DOCK7: variants seen among roughly 807,000 people sequenced by gnomAD.
DOCK7 encodes dedicator of cytokinesis protein 7.
Under a neutral mutation model 271.0 loss-of-function variants are expected in DOCK7, and 138 were observed. The ratio of observed to expected loss-of-function variants is 0.51; its 90% CI spans 0.44 to 0.59. The LOEUF (loss-of-function observed/expected upper bound fraction) is 0.59. Among genes scored for constraint, DOCK7 ranks in the 20% least tolerant of loss-of-function variants. The probability of loss-of-function intolerance (pLI) is 0.00; values close to 1 mark genes in which losing one functional copy is unlikely to be tolerated. For missense variants in DOCK7, 2,066 were observed against 2,592.4 expected, an observed-to-expected ratio of 0.80 and a Z score of 4.41; for synonymous variants, 823 against 876.1, an observed-to-expected ratio of 0.94 and a Z score of 1.07.
At chr1:62,471,454 G>C (rs1645828386) in intron 48 of DOCK7, among the ~76,000 whole-genome samples, 1 of 152,186 alleles carries the variant, frequency 6.6e-6, no homozygotes, top group Admixed American at 6.5e-5. Context: ...TTGAGGCCAA[G>C]AGTTCGAGAC....
intron 31 of DOCK7, among the ~76,000 whole-genome samples, chr1:62,518,573 C>CA (rs1228634392): frequency 0.011 from 1,062 of 98,064 alleles, 10 homozygotes; most frequent in South Asian, 0.04. Flanking sequence ...GACTCCATCT[C>CA]AAAAAAAAAA....
intron 18 of DOCK7, 41 bp from the exon 19 acceptor site, chr1:62,561,744 G>C (rs753205775): frequency 8.2e-7 from 1 of 1,225,768 alleles, no homozygotes; most frequent in Non-Finnish European, 1.1e-6. Context: ...TGCTTAAGTA[G>C]ATTATGAACT....
At chr1:62,611,043 T>C (rs530106709) in intron 14 of DOCK7, among the ~76,000 whole-genome samples, 7 of 152,336 alleles carry the variant, frequency 4.6e-5, no homozygotes, top group African/African-American at 1.4e-4. Flanking sequence ...CACACTGTCT[T>C]CCACAATGGT....
At chr1:62,559,862 C>T (rs1020756480) in intron 19 of DOCK7, among the ~76,000 whole-genome samples, 4 of 152,234 alleles carry the variant, frequency 2.6e-5, no homozygotes, top group African/African-American at 9.6e-5. Context: ...GTGCCTCAAA[C>T]GTTTGTGCAA....
At chr1:62,623,427 C>A (rs1433606650) in intron 12 of DOCK7, among the ~76,000 whole-genome samples, 1 of 152,206 alleles carries the variant, frequency 6.6e-6, no homozygotes, top group African/African-American at 2.4e-5. Context: ...TTTTGTGCTA[C>A]TTCCCAGTTA....
chr1:62,627,742 T>C (rs1654124546), intron 11 of DOCK7: 1 of 152,084 alleles, frequency 6.6e-6, no homozygotes, highest in Non-Finnish European at 1.5e-5. Flanking sequence ...AAGATTTAAA[T>C]AAATGAAAAA....
intron 12 of DOCK7, among the ~76,000 whole-genome samples, chr1:62,624,526 C>T (rs921746410): frequency 6.6e-6 from 1 of 152,162 alleles, no homozygotes; most frequent in Non-Finnish European, 1.5e-5. Context: ...GCACAAAATG[C>T]ACTCCTAGGG....
intron 1 of DOCK7, among the ~76,000 whole-genome samples, chr1:62,671,935 G>A (rs1660058361): frequency 6.9e-6 from 1 of 145,558 alleles, no homozygotes; most frequent in South Asian, 2.2e-4. Flanking sequence ...ACTATGAGAA[G>A]CAGAGGAAAT....
intron 10 of DOCK7, among the ~76,000 whole-genome samples, chr1:62,632,841 G>A (rs2149627784): frequency 6.6e-6 from 1 of 152,146 alleles, no homozygotes; most frequent in South Asian, 2.1e-4. Context: ...GCTGGGTGTG[G>A]TGGCACATGC....
At chr1:62,654,259 T>G in intron 2 of DOCK7, 100 bp from the exon 3 acceptor site, 2 of 1,147,912 alleles carry the variant, frequency 1.7e-6, no homozygotes, top group African/African-American at 1.6e-5. Flanking sequence ...TAAAAGCTTT[T>G]AATCTAGTTC....
Position 62,496,300 on chromosome 1 carries a change from C to G in DOCK7, c.4923+39G>C, listed in dbSNP as rs774618912. ...ATTTGGAAAGTGCCTATTTAACAAG[C>G]CTATTTCAATTAATGATCTAGAAAG... On this transcript the variant is annotated intron_variant, in intron 38 of 49. Coordinates refer to ENST00000635253, the MANE Select transcript of DOCK7 (RefSeq NM_001367561.1). The G allele has an allele frequency of 2.3e-5, 36 of 1,599,734 alleles. No homozygotes were observed. In the Admixed American group the frequency reaches 5.6e-4, roughly 25 times the overall value.
intron 43 of DOCK7, chr1:62,485,527 C>CTGGA: frequency 5.1e-6 from 5 of 985,402 alleles, no homozygotes; most frequent in Non-Finnish European, 6.0e-6. Flanking sequence ...ATTATCCTTA[C>CTGGA]TGGACTTCAA....
chr1:62,534,486 G>C, intron 29 of DOCK7, among the ~76,000 whole-genome samples: 1 of 152,026 alleles, frequency 6.6e-6, no homozygotes, highest in Non-Finnish European at 1.5e-5. Flanking sequence ...GTGGTGGCAC[G>C]CGCCTGTAGT....
chr1:62,569,358 A>C (rs1005728530), intron 18 of DOCK7, among the ~76,000 whole-genome samples: 2 of 152,194 alleles, frequency 1.3e-5, no homozygotes, highest in African/African-American at 4.8e-5. Flanking sequence ...TGGCAAACCA[A>C]ATCTGGCAGC....
At chr1:62,512,422 C>T (rs1644514163) in intron 33 of DOCK7, among the ~76,000 whole-genome samples, 1 of 152,048 alleles carries the variant, frequency 6.6e-6, no homozygotes, top group African/African-American at 2.4e-5. Context: ...TGAAAACAAT[C>T]ACAAATTTAT....
intron 27 of DOCK7, 62 bp from the exon 28 acceptor site, chr1:62,538,123 A>G: frequency 6.7e-7 from 1 of 1,503,312 alleles, no homozygotes; most frequent in Non-Finnish European, 9.0e-7. Context: ...TAATACTAAT[A>G]CCAGAATGGC....
chr1:62,598,943 C>G, intron 14 of DOCK7: 1 of 646,582 alleles, frequency 1.5e-6, no homozygotes, highest in Non-Finnish European at 2.8e-6. Context: ...ATTGCAGGCT[C>G]TGAAGCTAAT....
intron 28 of DOCK7, among the ~76,000 whole-genome samples, chr1:62,536,895 C>A: frequency 6.6e-6 from 1 of 152,170 alleles, no homozygotes; most frequent in East Asian, 1.9e-4. Context: ...ATCTCTTCAT[C>A]TCAATTTATA....
chr1:62,469,124 G>A (rs925195949), intron 48 of DOCK7, among the ~76,000 whole-genome samples: 5 of 152,036 alleles, frequency 3.3e-5, no homozygotes, highest in African/African-American at 1.2e-4. Context: ...GCGAGACTAA[G>A]CAAAAAGAAC....
Sources: allele counts gnomAD v4.1 joint callset (sites outside exome capture counted in the v4.1 genomes callset), GRCh38; gene constraint gnomAD v4.1.1; transcripts MANE v1.5; gene names NCBI Gene and HGNC (gene_info 2026-07-23, HGNC 2026-07-21).